MFHAS1: variants seen among roughly 807,000 people sequenced by gnomAD.
MFHAS1 encodes multifunctional ROCO family signaling regulator 1, also known as malignant fibrous histiocytoma-amplified sequence 1.
A neutral mutation model predicts 70.4 loss-of-function variants in MFHAS1; 50 were observed. The ratio of observed to expected loss-of-function variants is 0.71; its 90% confidence interval spans 0.57 to 0.90. MFHAS1 has a LOEUF of 0.90. Among genes scored for constraint, MFHAS1 ranks in the 40% least tolerant of loss-of-function variants. The pLI is 0.00. For synonymous variants in MFHAS1, 952 were observed against 620.0 expected (o/e 1.54, Z -7.96); for missense variants, 1,795 against 1,347.6 (o/e 1.33, Z -5.20).
rs756982002 is a variant in MFHAS1 at position 8,797,371 on chromosome 8, C to T, written c.3119G>A (p.Cys1040Tyr). 185 of 1,613,892 alleles carry T rather than the reference C, an allele frequency of 1.1e-4. No homozygotes were observed. Among genetic ancestry groups the T allele is most frequent in the Non-Finnish European group, 1.5e-4 (179 of 1,179,972 alleles). ...YPPTPTVISPCSKKNVGEKHR... is the reference protein window; with the variant it reads ...YPPTPTVISPYSKKNVGEKHR... ...AGGGACTTTGAGAACTCACTTGGAA[C>T]AGGGGCTGATCACAGTCGGCGTGGG... Residue 1040 changes from cysteine to tyrosine, a missense_variant, in exon 2 of 3, where the codon TGT becomes TAT. Cys to Tyr is a radical substitution (Grantham distance 194). Transcript: ENST00000276282.
At chr8:8,876,347 G>C (rs1277703705) in intron 1 of MFHAS1, among the ~76,000 whole-genome samples, 5 of 152,092 alleles carry the variant, frequency 3.3e-5, no homozygotes, top group African/African-American at 4.8e-5. Flanking sequence ...AAAATACCTT[G>C]TACTTCCTAG....
intron 1 of MFHAS1, among the ~76,000 whole-genome samples, chr8:8,867,197 A>G (rs1410133651): frequency 6.6e-6 from 1 of 152,226 alleles, no homozygotes; most frequent in Non-Finnish European, 1.5e-5. Flanking sequence ...GGAATTAAAC[A>G]CAGGCTGTGG....
intron 1 of MFHAS1, among the ~76,000 whole-genome samples, chr8:8,813,442 A>C (rs966737080): frequency 1.3e-5 from 2 of 152,202 alleles, no homozygotes; most frequent in African/African-American, 2.4e-5. Flanking sequence ...TAACAGCTCC[A>C]TCACTGTCAT....
rs527602701 is a variant in MFHAS1, at chr8:8,892,755, G to C, written c.304C>G (p.Leu102Val). The change falls in exon 1 of 3, where the codon CTG becomes GTG. Residue 102 changes from leucine (L) to valine (V), a missense_variant. Coordinates refer to ENST00000276282, the MANE Select transcript of MFHAS1 (RefSeq NM_004225.3). The surrounding 1 kb of genome is among the most constrained non-coding windows in gnomAD (Gnocchi z 4.7). ...LVLRRNRFAR[L>V]PPAVAELGHH... ...CCGAGCTCGGCCACCGCCGGGGGCA[G>C]CCGGGCGAAGCGGTTCCTGCGCAGG... 20 of 1,576,006 alleles carry C rather than the reference G, an allele frequency of 1.3e-5. No individual in the cohort carries two copies. The South Asian group carries it at 2.0e-4, about 16-fold the overall frequency.
At chr8:8,861,318 C>T (rs963882351) in intron 1 of MFHAS1, among the ~76,000 whole-genome samples, 3 of 152,190 alleles carry the variant, frequency 2.0e-5, no homozygotes, top group Non-Finnish European at 2.9e-5. Flanking sequence ...ACTTATGCCA[C>T]GTGAAATTGC....
rs1339641735 is a variant in MFHAS1 at position 8,807,827 on chromosome 8, AC to A, written c.2999-10337del. On this transcript the variant is annotated intron_variant, in intron 1 of 2. Coordinates refer to ENST00000276282, the MANE Select transcript of MFHAS1 (RefSeq NM_004225.3). Reference sequence around the variant, plus strand: ...CTTCTACAACATTATTCTCTTAGTAACAATTTAAAAAGCAAAATGAACTTGA... The same window carrying A: ...CTTCTACAACATTATTCTCTTAGTAAAATTTAAAAAGCAAAATGAACTTGA... 2.6e-5 allele frequency among the ~76,000 whole-genome samples: 4 copies of A among 152,322 alleles called. No individual in the cohort carries two copies. The East Asian group carries it at 7.7e-4, about 29-fold the overall frequency.
intron 1 of MFHAS1, among the ~76,000 whole-genome samples, chr8:8,842,059 G>C (rs780916376): frequency 5.3e-5 from 8 of 152,324 alleles, no homozygotes; most frequent in Non-Finnish European, 1.0e-4. Flanking sequence ...TGCCAACAAG[G>C]CTGCGCCTTT....
chr8:8,891,707 G>C lies in MFHAS1; in HGVS notation c.1352C>G (p.Pro451Arg). 2 of 1,613,502 alleles carry C rather than the reference G, an allele frequency of 1.2e-6. No homozygotes were observed. The highest frequency in any genetic ancestry group is 1.7e-6 in the Non-Finnish European group (2 of 1,180,024). The change falls in exon 1 of 3, where the codon CCT becomes CGT. Residue 451 changes from proline (P) to arginine (R), a missense_variant. Transcript: ENST00000276282. The surrounding 1 kb of genome is among the most constrained non-coding windows in gnomAD (Gnocchi z 5.4). Reference sequence around the variant, plus strand: ...CTCGATGCCCTTGCTCACAGGGGGAGGTGACGGTGGGTAGCACTTCTCCTT... The same window carrying C: ...CTCGATGCCCTTGCTCACAGGGGGACGTGACGGTGGGTAGCACTTCTCCTT... ...GDKEKCYPPS[P>R]PPVSKGIEVT...
intron 1 of MFHAS1, among the ~76,000 whole-genome samples, chr8:8,852,639 G>C (rs753784269): frequency 1.1e-4 from 16 of 152,160 alleles, no homozygotes; most frequent in African/African-American, 3.6e-4. Flanking sequence ...CATTAAGGCT[G>C]AGATTCTGAC....
chr8:8,868,560 C>A (rs1195107814), intron 1 of MFHAS1, among the ~76,000 whole-genome samples: 2 of 151,834 alleles, frequency 1.3e-5, no homozygotes, highest in Non-Finnish European at 2.9e-5. Context: ...TGGAGCTACT[C>A]CCAACTACTC....
intron 1 of MFHAS1, among the ~76,000 whole-genome samples, chr8:8,868,570 C>A (rs541928322): frequency 6.6e-6 from 1 of 151,908 alleles, no homozygotes; most frequent in African/African-American, 2.4e-5. Flanking sequence ...CCCAACTACT[C>A]GGATCTTTGC....
At chr8:8,828,287 T>C (rs1807239058) in intron 1 of MFHAS1, among the ~76,000 whole-genome samples, 2 of 152,190 alleles carry the variant, frequency 1.3e-5, no homozygotes, top group African/African-American at 2.4e-5. Flanking sequence ...AACAAGATAA[T>C]GTCTAATAGG....
Position 8,887,558 on chromosome 8 carries a change from A to G in MFHAS1, c.2998+2503T>C, listed in dbSNP as rs560151494. ...GTGTATATATACATATATATTTTATATGTACATATTTTATAATTATATGTA... is the reference window on the plus strand; with the variant it reads ...GTGTATATATACATATATATTTTATGTGTACATATTTTATAATTATATGTA... On this transcript the variant is annotated intron_variant, in intron 1 of 2. Transcript: ENST00000276282. Among the ~76,000 whole-genome samples, 26 of 150,510 alleles carry G rather than the reference A, an allele frequency of 1.7e-4. No individual in the cohort carries two copies. In the East Asian group the frequency reaches 4.6e-3, roughly 27 times the overall value.
At chr8:8,862,935 T>G (rs180860700) in intron 1 of MFHAS1, among the ~76,000 whole-genome samples, 13 of 152,362 alleles carry the variant, frequency 8.5e-5, no homozygotes, top group Admixed American at 1.3e-4. Context: ...TGAAGGTCAC[T>G]AAGAGTTTCT....
intron 1 of MFHAS1, among the ~76,000 whole-genome samples, chr8:8,853,303 C>G (rs1370829605): frequency 2.0e-5 from 3 of 152,004 alleles, no homozygotes; most frequent in Non-Finnish European, 4.4e-5. Context: ...AAGCTCCTGT[C>G]CTACCTGCCC....
At chr8:8,796,756 G>A (rs959897972) in intron 2 of MFHAS1, among the ~76,000 whole-genome samples, 4 of 147,580 alleles carry the variant, frequency 2.7e-5, no homozygotes, top group Admixed American at 2.1e-4. Flanking sequence ...AGCACTTTGG[G>A]AGGCCAAGAC....
intron 1 of MFHAS1, among the ~76,000 whole-genome samples, chr8:8,824,987 G>T (rs888081035): frequency 2.0e-5 from 3 of 152,208 alleles, no homozygotes; most frequent in Admixed American, 1.3e-4. Context: ...AGACTCCTAG[G>T]GGACCTGCTT....
chr8:8,852,702 C>A (rs1808292658), intron 1 of MFHAS1, among the ~76,000 whole-genome samples: 1 of 152,162 alleles, frequency 6.6e-6, no homozygotes, highest in Non-Finnish European at 1.5e-5. Flanking sequence ...TAATTCCGTT[C>A]TGAAGTCCAG....
At chr8:8,840,811 T>C (rs967149460) in intron 1 of MFHAS1, among the ~76,000 whole-genome samples, 1 of 152,200 alleles carries the variant, frequency 6.6e-6, no homozygotes, top group African/African-American at 2.4e-5. Context: ...CCTTGCCTTG[T>C]GTGATAAACA....
Sources: allele counts gnomAD v4.1 joint callset (sites outside exome capture counted in the v4.1 genomes callset), GRCh38; gene constraint gnomAD v4.1.1; non-coding constraint Gnocchi (gnomAD v3.1); transcripts MANE v1.5; gene names NCBI Gene and HGNC (gene_info 2026-07-23, HGNC 2026-07-21).